Variants in CLEC12A observed in about 807,000 individuals in gnomAD.
CLEC12A encodes the protein C-type lectin protein CLL-1.
Under a neutral mutation model 26.5 loss-of-function variants are expected in CLEC12A, and 22 were observed. The observed-to-expected ratio is 0.83, with a 90% CI of 0.59 to 1.19. The LOEUF (loss-of-function observed/expected upper bound fraction) is 1.19. Ranked by LOEUF, CLEC12A falls within the 50% of genes most tolerant of loss-of-function variation. The pLI, the probability that CLEC12A is intolerant of heterozygous loss-of-function variation, is 0.00. For missense variants in CLEC12A, 353 were observed against 315.6 expected, an observed-to-expected ratio of 1.12 and a Z score of -0.90; for synonymous variants, 119 against 101.9, an observed-to-expected ratio of 1.17 and a Z score of -1.01.
chr12:9,998,325 C>T (rs374086170), downstream of CLEC12A: 807 of 1,613,964 alleles, frequency 5.0e-4, 1 homozygote, highest in Non-Finnish European at 6.6e-4. Flanking sequence ...TCCCCACGCA[C>T]AGGATCAGCA....
chr12:9,984,979 ATG>A lies in CLEC12A; in HGVS notation c.752_753del (p.Met251SerfsTer12). 1 of 1,553,858 alleles carries A rather than the reference ATG, an allele frequency of 6.4e-7. No individual in the cohort carries two copies. The highest frequency in any genetic ancestry group is 8.7e-7 in the Non-Finnish European group (1 of 1,147,520). Reference sequence around the variant, plus strand: ...TAAAAAAAGAATGATATGTGAGAAGATGGCCAATCCAGTGCAGCTTGGTTCTA... The same window carrying A: ...TAAAAAAAGAATGATATGTGAGAAGAGCCAATCCAGTGCAGCTTGGTTCTA... ...TYKKRMICEK[M>X]ANPVQLGSTY... On this transcript the variant is annotated frameshift_variant, in exon 6 of 6. Transcript: ENST00000304361. LOFTEE classifies it high-confidence loss of function.
intron 1 of CLEC12A, chr12:9,953,047 G>A (rs866823275): frequency 1.2e-3 from 164 of 138,378 alleles, no homozygotes; most frequent in South Asian, 9.9e-3. Flanking sequence ...AGTGAGGAGC[G>A]TCTCCGCCCA....
chr12:9,974,769 G>A (rs1035542704), intron 1 of CLEC12A, among the ~76,000 whole-genome samples: 7 of 152,026 alleles, frequency 4.6e-5, no homozygotes, highest in African/African-American at 7.2e-5. Flanking sequence ...TAATTTTCCC[G>A]AGGTTTCACA....
chr12:9,983,467 T>G (rs1340102341), intron 5 of CLEC12A: 1 of 689,978 alleles, frequency 1.4e-6, no homozygotes, highest in East Asian at 2.7e-5. Context: ...AAAAAAGTCT[T>G]TACATATAAA....
At chr12:9,970,189 A>G (rs919501754), upstream of CLEC12A, among the ~76,000 whole-genome samples, 5 of 151,416 alleles carry the variant, frequency 3.3e-5, no homozygotes, top group Admixed American at 1.3e-4. Context: ...TACAGTATTG[A>G]CGCTTCTAAT....
chr12:9,998,439 G>C, downstream of CLEC12A: 1 of 1,293,088 alleles, frequency 7.7e-7, no homozygotes, highest in Non-Finnish European at 1.1e-6. Context: ...TATGGGGAAG[G>C]CTCACCCCTG....
chr12:10,002,285 T>A, the CLEC12A span, among the ~76,000 whole-genome samples: 1 of 152,310 alleles, frequency 6.6e-6, no homozygotes, highest in African/African-American at 2.4e-5. Context: ...ATTGTCTGTT[T>A]TAAAGGAAAT....
At chr12:10,001,294 T>C in the CLEC12A span, among the ~76,000 whole-genome samples, 1 of 152,212 alleles carries the variant, frequency 6.6e-6, no homozygotes, top group Admixed American at 6.5e-5. Flanking sequence ...TAGTTCTTGA[T>C]CCTTTAATGC....
chr12:9,979,012 G>A lies in CLEC12A; in HGVS notation c.138G>A (p.Leu46=), dbSNP rs1418574018. The change falls in exon 2 of 6, where the codon CTG becomes CTA. Residue 46 remains leucine (L), a synonymous_variant. Coordinates refer to ENST00000304361, the MANE Select transcript of CLEC12A (RefSeq NM_138337.6). ...SHVWRPAALF[L]TLLCLLLLIG... The stretch of plus-strand genomic sequence containing the variant: ...TATGGCGTCCAGCAGCCTTGTTTCT[G>A]ACTCTTCTGTGCCTTCTGTTGCTCA... The A allele has an allele frequency of 1.9e-6, 3 of 1,613,926 alleles. No homozygotes were observed. The highest frequency in any genetic ancestry group is 2.5e-6 in the Non-Finnish European group (3 of 1,179,866).
chr12:9,976,528 T>C lies in CLEC12A; in HGVS notation c.92-2438T>C, dbSNP rs181558068. On this transcript the variant is annotated intron_variant, in intron 1 of 5. Coordinates refer to ENST00000304361, the MANE Select transcript of CLEC12A (RefSeq NM_138337.6). The stretch of plus-strand genomic sequence containing the variant: ...TATTTATCCAATGCCTGTACTCTCA[T>C]TGTATCTAGGAAGTAACTAACTTTC... Among the ~76,000 whole-genome samples the C allele has an allele frequency of 1.3e-3, 202 of 152,356 alleles. 1 individual carries two copies. Among genetic ancestry groups the C allele is most frequent in the African/African-American group, 4.7e-3 (195 of 41,578 alleles).
rs747344863 is a variant in CLEC12A, at chr12:9,978,962, A to G, written c.92-4A>G. ...GGCCTCTCTGTTAATTTTGCTTTCC[A>G]CAGCACCTCCAGCTCCCTCTCATGT... On this transcript the variant is annotated splice_polypyrimidine_tract_variant and splice_region_variant and intron_variant, in intron 1 of 5. Transcript: ENST00000304361. 7 of 1,612,938 alleles carry G rather than the reference A, an allele frequency of 4.3e-6. No homozygotes were observed. The East Asian group carries it at 1.6e-4, about 36-fold the overall frequency.
At chr12:9,993,385 G>T in intron 4 of CLEC12A, 11 of 708,030 alleles carry the variant, frequency 1.6e-5, no homozygotes, top group East Asian at 3.2e-5. Context: ...AATAGAGACT[G>T]AGGAAAATAG....
At chr12:9,995,736 C>A (rs1245341919), downstream of CLEC12A, 2 of 203,456 alleles carry the variant, frequency 9.8e-6, no homozygotes, top group Admixed American at 5.3e-5. Flanking sequence ...TTTATGATGT[C>A]TTTCTCAAAA....
intron 1 of CLEC12A, among the ~76,000 whole-genome samples, chr12:9,957,360 CGGCTGTAATCCCA>C (rs1188713548): frequency 6.6e-6 from 1 of 151,832 alleles, no homozygotes; most frequent in Non-Finnish European, 1.5e-5. Flanking sequence ...TGGTGGTGCA[CGGCTGTAATCCCA>C]GCTACTCAGG....
At chr12:9,990,428 T>G (rs1187300935), downstream of CLEC12A, among the ~76,000 whole-genome samples, 1 of 152,182 alleles carries the variant, frequency 6.6e-6, no homozygotes, top group Non-Finnish European at 1.5e-5. Context: ...CGTTCAAGAC[T>G]TCAGTGGTGG....
chr12:9,966,149 G>A (rs1375734823), intron 1 of CLEC12A, among the ~76,000 whole-genome samples: 1 of 152,122 alleles, frequency 6.6e-6, no homozygotes, highest in African/African-American at 2.4e-5. Flanking sequence ...TAGAAGCCTG[G>A]CCATCAGTAC....
chr12:10,000,210 A>C (rs190834096), downstream of CLEC12A, among the ~76,000 whole-genome samples: 56 of 152,346 alleles, frequency 3.7e-4, 1 homozygote, highest in African/African-American at 1.3e-3. Context: ...GCAGAGTGTT[A>C]GACTTTTCAA....
At chr12:9,965,371 C>G (rs1863912277) in intron 1 of CLEC12A, among the ~76,000 whole-genome samples, 1 of 152,038 alleles carries the variant, frequency 6.6e-6, no homozygotes, top group African/African-American at 2.4e-5. Flanking sequence ...GAGAATTATG[C>G]TGAGATAGGT....
At chr12:9,971,863 G>C (rs1185826264) in intron 1 of CLEC12A, among the ~76,000 whole-genome samples, 176 bp downstream of exon 1, 1 of 152,052 alleles carries the variant, frequency 6.6e-6, no homozygotes, top group Non-Finnish European at 1.5e-5. Context: ...AAAGGGTTTT[G>C]TAAAAACACT....
Sources: gnomAD v4.1 joint callset for allele counts (sites outside exome capture counted in the v4.1 genomes callset) on GRCh38, gnomAD v4.1.1 for gene constraint, MANE v1.5 for transcripts, NCBI Gene and HGNC (gene_info 2026-07-23, HGNC 2026-07-21) for gene names.